C8orf34: variants seen among roughly 807,000 people sequenced by gnomAD.
C8orf34 encodes chromosome 8 open reading frame 34.
In C8orf34, 65 loss-of-function variants were observed where a neutral mutation model predicts 68.3. That is an observed-to-expected ratio of 0.95 (90% CI 0.78 to 1.17). C8orf34 has a LOEUF of 1.17. C8orf34 is among the 50% of genes most tolerant of loss of function. C8orf34 has a pLI of 0.00. For synonymous variants in C8orf34, 244 were observed against 241.2 expected (o/e 1.01, Z -0.11); for missense variants, 664 against 655.4 (o/e 1.01, Z -0.14).
At chr8:68,608,301 G>A (rs919824069) in intron 7 of C8orf34, among the ~76,000 whole-genome samples, 2 of 142,814 alleles carry the variant, frequency 1.4e-5, no homozygotes, top group Non-Finnish European at 3.0e-5. Flanking sequence ...GGTAATAAAA[G>A]CGATCTTCTA....
chr8:68,459,393 C>A (rs1271832184), intron 3 of C8orf34, among the ~76,000 whole-genome samples: 1 of 151,980 alleles, frequency 6.6e-6, no homozygotes, highest in African/African-American at 2.4e-5. Context: ...CCACGTCCAG[C>A]TAATTTTTGT....
intron 4 of C8orf34, among the ~76,000 whole-genome samples, chr8:68,478,817 C>T (rs1812734095): frequency 6.6e-6 from 1 of 152,148 alleles, no homozygotes; most frequent in Non-Finnish European, 1.5e-5. Flanking sequence ...ACACTGCCCC[C>T]ATGATCCAAT....
At chr8:68,580,833 C>A (rs564238275) in intron 7 of C8orf34, among the ~76,000 whole-genome samples, 3 of 152,070 alleles carry the variant, frequency 2.0e-5, no homozygotes, top group Admixed American at 6.6e-5. Flanking sequence ...GTTCCCTATA[C>A]CCTAGGATTT....
chr8:68,394,579 G>T (rs1163504505), intron 1 of C8orf34, among the ~76,000 whole-genome samples: 6 of 151,964 alleles, frequency 3.9e-5, no homozygotes, highest in Non-Finnish European at 5.9e-5. Flanking sequence ...GGCAATTGTT[G>T]ACTTGTTTTT....
In C8orf34 at chr8:68,463,208, C is replaced by A. The variant is rs189423194; in HGVS notation, c.608-5484C>A. ...AAATCTAGAAGAAATGGATAAATTCCTTGACACATACACCCTCCCAAGACT... is the reference window on the plus strand; with the variant it reads ...AAATCTAGAAGAAATGGATAAATTCATTGACACATACACCCTCCCAAGACT... On this transcript the variant is annotated intron_variant, in intron 3 of 13. Coordinates refer to ENST00000518698, the MANE Select transcript of C8orf34 (RefSeq NM_052958.4). Among the ~76,000 whole-genome samples the A allele has an allele frequency of 7.4e-3, 1,120 of 152,252 alleles. 15 individuals carry two copies. Among genetic ancestry groups the A allele is most frequent in the African/African-American group, 0.024 (1,012 of 41,540 alleles).
chr8:68,405,252 A>G (rs1809144313), intron 1 of C8orf34, among the ~76,000 whole-genome samples: 1 of 152,190 alleles, frequency 6.6e-6, no homozygotes, highest in Admixed American at 6.6e-5. Flanking sequence ...CTTTACAGAC[A>G]GTAAAGGAAT....
intron 1 of C8orf34, among the ~76,000 whole-genome samples, chr8:68,417,076 T>A (rs1809704746): frequency 6.6e-6 from 1 of 152,154 alleles, no homozygotes; most frequent in Non-Finnish European, 1.5e-5. Flanking sequence ...CAACTGCTAT[T>A]AAAACTATTG....
chr8:68,400,340 G>A lies in C8orf34; in HGVS notation c.328-39159G>A, dbSNP rs554354812. Among the ~76,000 whole-genome samples the A allele has an allele frequency of 7.9e-5, 12 of 152,030 alleles. No homozygotes were observed. In the South Asian group the frequency reaches 2.5e-3, roughly 32 times the overall value. Reference sequence around the variant, plus strand: ...TCTAGTCCATCTAGAGTTGATTTTTGTATCTGGTAGGAGATAAGAATCTAG... The same window carrying A: ...TCTAGTCCATCTAGAGTTGATTTTTATATCTGGTAGGAGATAAGAATCTAG... On this transcript the variant is annotated intron_variant, in intron 1 of 13. Coordinates refer to ENST00000518698, the MANE Select transcript of C8orf34 (RefSeq NM_052958.4).
intron 1 of C8orf34, among the ~76,000 whole-genome samples, chr8:68,401,454 A>G (rs1302768582): frequency 6.6e-6 from 1 of 152,076 alleles, no homozygotes; most frequent in Non-Finnish European, 1.5e-5. Context: ...GTCTTATTCT[A>G]ATTCATAGAG....
At chr8:68,683,936 A>G (rs1249904395) in intron 8 of C8orf34, among the ~76,000 whole-genome samples, 1 of 152,182 alleles carries the variant, frequency 6.6e-6, no homozygotes, top group African/African-American at 2.4e-5. Flanking sequence ...AAGGAGCTAC[A>G]TTGTGCTCAC....
chr8:68,802,214 C>A (rs1824351509), intron 12 of C8orf34, among the ~76,000 whole-genome samples: 1 of 152,084 alleles, frequency 6.6e-6, no homozygotes, highest in South Asian at 2.1e-4. Flanking sequence ...GATTCTCCTG[C>A]CTCAGCCTCC....
intron 3 of C8orf34, among the ~76,000 whole-genome samples, chr8:68,449,580 T>A (rs1168973767): frequency 7.1e-6 from 1 of 140,894 alleles, no homozygotes; most frequent in African/African-American, 2.5e-5. Context: ...AGTCGCACAA[T>A]TTTTTTTGTT....
intron 7 of C8orf34, among the ~76,000 whole-genome samples, chr8:68,536,768 A>G (rs1563516165): frequency 6.6e-6 from 1 of 152,172 alleles, no homozygotes; most frequent in Non-Finnish European, 1.5e-5. Flanking sequence ...AAAGGAAAAC[A>G]ATATTAATTA....
intron 7 of C8orf34, among the ~76,000 whole-genome samples, chr8:68,537,737 T>C (rs896253791): frequency 1.1e-4 from 17 of 152,152 alleles, no homozygotes; most frequent in African/African-American, 4.1e-4. Context: ...TATTACCTTC[T>C]AGATTTACTT....
intron 11 of C8orf34, among the ~76,000 whole-genome samples, chr8:68,782,931 G>T (rs893052477): frequency 2.0e-5 from 3 of 151,742 alleles, no homozygotes; most frequent in Non-Finnish European, 2.9e-5. Context: ...AGTTATTGAG[G>T]CATAGTGGCA....
rs77400365 is a variant in C8orf34 at position 68,783,187 on chromosome 8, G to A, written c.1456-4256G>A. On this transcript the variant is annotated intron_variant, in intron 11 of 13. Coordinates refer to ENST00000518698, the MANE Select transcript of C8orf34 (RefSeq NM_052958.4). The stretch of plus-strand genomic sequence containing the variant: ...AACCTAAAGGGAAAAGTCAAGCTGG[G>A]GACTGCTGAAGGCAACCTGCCTCCC... 3.1e-3 allele frequency among the ~76,000 whole-genome samples: 476 copies of A among 152,196 alleles called. 6 individuals are homozygous for A. Among genetic ancestry groups the A allele is most frequent in the Admixed American group, 0.025 (384 of 15,296 alleles).
chr8:68,579,784 T>C (rs1817008658), intron 7 of C8orf34, among the ~76,000 whole-genome samples: 2 of 152,174 alleles, frequency 1.3e-5, no homozygotes, highest in South Asian at 4.1e-4. Context: ...GCCAAATGTA[T>C]GGCATATGTG....
intron 10 of C8orf34, among the ~76,000 whole-genome samples, chr8:68,763,250 A>C (rs907524947): frequency 3.9e-5 from 6 of 152,242 alleles, no homozygotes; most frequent in African/African-American, 1.4e-4. Context: ...TTGCAGTGAT[A>C]TCTTCTGCAA....
intron 1 of C8orf34, among the ~76,000 whole-genome samples, chr8:68,370,447 C>G (rs902891754): frequency 6.6e-6 from 1 of 152,156 alleles, no homozygotes; most frequent in Admixed American, 6.5e-5. Context: ...TTACTGCCCT[C>G]CCTGGTCTTC....
Sources: gnomAD v4.1 joint callset for allele counts (sites outside exome capture counted in the v4.1 genomes callset) on GRCh38, gnomAD v4.1.1 for gene constraint, MANE v1.5 for transcripts, NCBI Gene and HGNC (gene_info 2026-07-23, HGNC 2026-07-21) for gene names.